Variants in MCPH1 observed in about 807,000 individuals in gnomAD.
MCPH1 encodes microcephalin 1, also known as microcephalin.
A neutral mutation model predicts 84.5 loss-of-function variants in MCPH1; 104 were observed. The ratio of observed to expected loss-of-function variants is 1.23; its 90% CI spans 1.05 to 1.45. MCPH1 has a LOEUF of 1.45. Among genes scored for constraint, MCPH1 ranks in the 40% most tolerant of loss-of-function variants. The pLI, the probability that MCPH1 is intolerant of heterozygous loss-of-function variation, is 0.00. For missense variants in MCPH1, 1,498 were observed against 1,005.7 expected (o/e 1.49, Z -6.62); for synonymous variants, 514 against 366.8 (o/e 1.40, Z -4.58).
intron 10 of MCPH1, among the ~76,000 whole-genome samples, chr8:6,477,867 G>C (rs1278586725): frequency 6.6e-6 from 1 of 152,184 alleles, no homozygotes; most frequent in Non-Finnish European, 1.5e-5. Context: ...GCTCGTTTTG[G>C]TGTTCTTTTG....
chr8:6,553,219 C>G (rs549303953), intron 12 of MCPH1, among the ~76,000 whole-genome samples: 1 of 152,266 alleles, frequency 6.6e-6, no homozygotes, highest in Non-Finnish European at 1.5e-5. Context: ...TATGGGAACT[C>G]TCTGCACTTT....
intron 13 of MCPH1, chr8:6,626,320 C>G (rs566606235): frequency 4.2e-5 from 41 of 985,188 alleles, no homozygotes; most frequent in South Asian, 2.3e-4. Context: ...GCCGCGTTGC[C>G]TAATAACGGG....
intron 12 of MCPH1, among the ~76,000 whole-genome samples, chr8:6,596,499 C>T (rs1828935222): frequency 6.6e-6 from 1 of 152,144 alleles, no homozygotes; most frequent in Non-Finnish European, 1.5e-5. Context: ...CACATGGCAG[C>T]CAAGGGGACC....
chr8:6,597,743 C>A (rs185193649), intron 12 of MCPH1, among the ~76,000 whole-genome samples: 79 of 152,290 alleles, frequency 5.2e-4, no homozygotes, highest in African/African-American at 1.9e-3. Context: ...CTTTTCTCAT[C>A]CTCACACCTC....
intron 12 of MCPH1, among the ~76,000 whole-genome samples, chr8:6,538,448 C>T (rs1820905909): frequency 6.6e-6 from 1 of 152,204 alleles, no homozygotes; most frequent in Non-Finnish European, 1.5e-5. Flanking sequence ...TCTTCCCTTG[C>T]AGGTTTGCCT....
At chr8:6,455,385 T>G (rs1805565900) in intron 9 of MCPH1, 133 bp downstream of exon 9, 2 of 700,054 alleles carry the variant, frequency 2.9e-6, no homozygotes, top group South Asian at 1.7e-5. Context: ...GGGTAAATGC[T>G]GGAAAACTCA....
chr8:6,631,257 T>G (rs928507376), intron 13 of MCPH1, among the ~76,000 whole-genome samples: 2 of 151,996 alleles, frequency 1.3e-5, no homozygotes, highest in African/African-American at 4.8e-5. Flanking sequence ...ACATGCAAGG[T>G]GGGCAAGAGA....
chr8:6,494,897 G>A (rs982616280), intron 11 of MCPH1, among the ~76,000 whole-genome samples: 3 of 152,162 alleles, frequency 2.0e-5, no homozygotes, highest in African/African-American at 4.8e-5. Context: ...TGTATATTAT[G>A]CCAATTTCAC....
chr8:6,554,984 A>G (rs909595410), intron 12 of MCPH1, among the ~76,000 whole-genome samples: 5 of 152,224 alleles, frequency 3.3e-5, no homozygotes, highest in African/African-American at 7.2e-5. Context: ...GTCGGATGGC[A>G]CACCTGACCT....
chr8:6,481,379 G>T (rs1016738876), intron 11 of MCPH1, among the ~76,000 whole-genome samples: 5 of 152,166 alleles, frequency 3.3e-5, no homozygotes, highest in Non-Finnish European at 7.3e-5. Context: ...TGTTTCTGTA[G>T]ATTAAAGATA....
At chr8:6,431,384 T>C in intron 3 of MCPH1, 115 bp from the exon 4 acceptor site, 1 of 779,654 alleles carries the variant, frequency 1.3e-6, no homozygotes, top group South Asian at 1.7e-5. Flanking sequence ...TAAAAGTCTG[T>C]TAAAATGACC....
At chr8:6,625,327 G>C in intron 13 of MCPH1, 1 of 985,462 alleles carries the variant, frequency 1.0e-6, no homozygotes. Flanking sequence ...GTGGCAGATT[G>C]ACGGTATCCA....
chr8:6,529,597 T>C (rs1868552), intron 12 of MCPH1, among the ~76,000 whole-genome samples: 102,002 of 149,526 alleles, frequency 0.68, 35,114 homozygotes, highest in Non-Finnish European at 0.72. Flanking sequence ...ACTGGGTCTA[T>C]AAGTGCACAC....
Position 6,440,072 on chromosome 8 carries a change from G to A in MCPH1, c.580+976G>A, listed in dbSNP as rs545981754. ...CGCTTTATTTACTTAAGAGTATCCT[G>A]GAGGGTTTGTTTGCAGCTTAGTTGT... On this transcript the variant is annotated intron_variant, in intron 6 of 13. Coordinates refer to ENST00000344683, the MANE Select transcript of MCPH1 (RefSeq NM_024596.5). Among the ~76,000 whole-genome samples the A allele has an allele frequency of 1.9e-4, 29 of 152,286 alleles. No homozygotes were observed. In the South Asian group the frequency reaches 4.4e-3, roughly 23 times the overall value.
chr8:6,577,948 G>A (rs1270502574), intron 12 of MCPH1, among the ~76,000 whole-genome samples: 1 of 152,188 alleles, frequency 6.6e-6, no homozygotes, highest in Non-Finnish European at 1.5e-5. Context: ...AGTGTCTGTG[G>A]GGGTAGGTCC....
chr8:6,583,169 T>C (rs183320203), intron 12 of MCPH1, among the ~76,000 whole-genome samples: 1 of 152,336 alleles, frequency 6.6e-6, no homozygotes, highest in African/African-American at 2.4e-5. Context: ...TCTTTGTTTT[T>C]TTTTCAGAGT....
At chr8:6,496,232 A>G (rs191345247) in intron 11 of MCPH1, among the ~76,000 whole-genome samples, 124 of 152,290 alleles carry the variant, frequency 8.1e-4, no homozygotes, top group Middle Eastern at 6.8e-3. Context: ...CATAAGGAGC[A>G]TGCAACCTAG....
In MCPH1 at chr8:6,435,980, G is replaced by A. The variant is rs143791875; in HGVS notation, c.322-68G>A. 2.1e-3 allele frequency: 3,263 copies of A among 1,585,004 alleles called. 106 individuals carry two copies. The South Asian group carries it at 0.035, about 17-fold the overall frequency. ...TATAAAAGGTATCAGAAATGTATGC[G>A]AAAGGGCTTTTTCTCCTGCCTTAAG... is the stretch of plus-strand genomic sequence containing the variant. On this transcript the variant is annotated intron_variant, in intron 4 of 13. Coordinates refer to ENST00000344683, the MANE Select transcript of MCPH1 (RefSeq NM_024596.5).
rs376404039 is a variant in MCPH1, at chr8:6,538,350, G to C, written c.2214+38421G>C. ...GGGTCCACTGTCCTCTCTGTCTCTT[G>C]CTGGCCACGCATCCCCCAGCTGCTC... On this transcript the variant is annotated intron_variant, in intron 12 of 13. Coordinates refer to ENST00000344683, the MANE Select transcript of MCPH1 (RefSeq NM_024596.5). Among the ~76,000 whole-genome samples the C allele has an allele frequency of 1.1e-4, 16 of 152,268 alleles. No homozygotes were observed. The East Asian group carries it at 3.1e-3, about 29-fold the overall frequency.
Sources: allele counts gnomAD v4.1 joint callset (sites outside exome capture counted in the v4.1 genomes callset), GRCh38; gene constraint gnomAD v4.1.1; transcripts MANE v1.5; gene names NCBI Gene and HGNC (gene_info 2026-07-23, HGNC 2026-07-21).